Variants in RABGAP1L observed in about 807,000 individuals in gnomAD.
RABGAP1L encodes rab GTPase-activating protein 1-like.
RABGAP1L carries 63 observed loss-of-function variants against 137.7 expected under a neutral mutation model. That is an observed-to-expected ratio of 0.46 (90% CI 0.37 to 0.56). RABGAP1L has a LOEUF of 0.56. RABGAP1L is among the 20% of genes least tolerant of loss of function. The pLI, the probability that RABGAP1L is intolerant of heterozygous loss-of-function variation, is 0.00. For missense variants in RABGAP1L, 1,095 were observed against 1,244.0 expected (o/e 0.88, Z 1.80); for synonymous variants, 431 against 433.7 (o/e 0.99, Z 0.08).
intron 13 of RABGAP1L, among the ~76,000 whole-genome samples, chr1:174,535,736 T>C (rs1664838631): frequency 1.3e-5 from 2 of 152,090 alleles, no homozygotes; most frequent in African/African-American, 2.4e-5. Context: ...CAAAGGAAAA[T>C]ATATTAATTG....
intron 13 of RABGAP1L, among the ~76,000 whole-genome samples, chr1:174,575,048 A>G (rs1354934752): frequency 6.6e-6 from 1 of 152,162 alleles, no homozygotes; most frequent in Non-Finnish European, 1.5e-5. Context: ...CTCCTGCCTC[A>G]GCCTTCCGAG....
chr1:174,541,056 A>G (rs961735023), intron 13 of RABGAP1L, among the ~76,000 whole-genome samples: 27 of 152,242 alleles, frequency 1.8e-4, no homozygotes, highest in Non-Finnish European at 3.4e-4. Flanking sequence ...CTTTGTAGCA[A>G]TTGTGTATGG....
chr1:174,913,790 G>T (rs995963348), intron 19 of RABGAP1L, among the ~76,000 whole-genome samples: 1 of 152,172 alleles, frequency 6.6e-6, no homozygotes, highest in African/African-American at 2.4e-5. Context: ...TTTTTACTTA[G>T]TGCTGTGTTA....
At chr1:174,647,171 C>T (rs1221860748) in intron 14 of RABGAP1L, among the ~76,000 whole-genome samples, 1 of 152,100 alleles carries the variant, frequency 6.6e-6, no homozygotes. Flanking sequence ...AATTTGACTT[C>T]CTCTTTTCCT....
chr1:174,735,084 T>C (rs543333084), intron 17 of RABGAP1L, among the ~76,000 whole-genome samples: 71 of 150,338 alleles, frequency 4.7e-4, no homozygotes, highest in Non-Finnish European at 4.7e-4. Flanking sequence ...TGCCTCAGCC[T>C]CTCAAGTAGC....
chr1:174,470,647 G>A (rs1200952248), intron 13 of RABGAP1L, among the ~76,000 whole-genome samples: 4 of 152,056 alleles, frequency 2.6e-5, no homozygotes, highest in Admixed American at 2.6e-4. Flanking sequence ...GATGCCTGTA[G>A]TCCCAGCTAC....
chr1:174,179,052 T>C (rs754481752), intron 1 of RABGAP1L, among the ~76,000 whole-genome samples: 10 of 152,138 alleles, frequency 6.6e-5, no homozygotes, highest in African/African-American at 9.7e-5. Context: ...TTAAGTAGTG[T>C]GAGGCTGTTA....
In RABGAP1L at chr1:174,347,488, TG is replaced by T. The variant is rs1191373496; in HGVS notation, c.1466-23490del. 8.8e-4 allele frequency among the ~76,000 whole-genome samples: 134 copies of T among 151,642 alleles called. 1 individual carries two copies. The highest frequency in any genetic ancestry group is 4.1e-4 in the Non-Finnish European group (28 of 67,862). On this transcript the variant is annotated intron_variant, in intron 11 of 25. Coordinates refer to ENST00000681986, the MANE Select transcript of RABGAP1L (RefSeq NM_001366446.1). ...ACCCCTCTTTGTGTGTGTGTGTGTG[TG>T]TGTGTGTGTGTTTTTTTCTTTGAGA...
intron 19 of RABGAP1L, among the ~76,000 whole-genome samples, chr1:174,921,255 C>T (rs929277473): frequency 8.5e-5 from 13 of 152,148 alleles, no homozygotes; most frequent in African/African-American, 2.9e-4. Context: ...GCAGCCCTAG[C>T]GAACTAATAA....
intron 19 of RABGAP1L, among the ~76,000 whole-genome samples, chr1:174,842,556 G>A (rs1693530156): frequency 1.3e-5 from 2 of 152,110 alleles, no homozygotes; most frequent in African/African-American, 4.8e-5. Context: ...TTAAATTTAA[G>A]TAAGGTAGCA....
chr1:174,908,994 A>C (rs1364586072), intron 19 of RABGAP1L, among the ~76,000 whole-genome samples: 5 of 112,020 alleles, frequency 4.5e-5, no homozygotes, highest in African/African-American at 6.9e-5. Flanking sequence ...TAACATGGTG[A>C]AACCCCATCT....
chr1:174,568,422 G>T (rs188184391), intron 13 of RABGAP1L, among the ~76,000 whole-genome samples: 2 of 152,286 alleles, frequency 1.3e-5, no homozygotes, highest in Admixed American at 1.3e-4. Flanking sequence ...GGATTAAAAT[G>T]AGTAAGACAC....
chr1:174,742,438 G>A (rs1202485544), intron 17 of RABGAP1L, among the ~76,000 whole-genome samples: 2 of 152,076 alleles, frequency 1.3e-5, no homozygotes, highest in African/African-American at 2.4e-5. Context: ...ATTTGCTTAA[G>A]CCCAGGAGGC....
rs576608951 is a variant in RABGAP1L, at chr1:174,641,672, T to G, written c.1824+4184T>G. ...ATCTGCTATAAGTTGGGAGACAGGT[T>G]GGTATAGTTTAAAGCACTGGGCATC... On this transcript the variant is annotated intron_variant, in intron 14 of 25. Coordinates refer to ENST00000681986, the MANE Select transcript of RABGAP1L (RefSeq NM_001366446.1). Among the ~76,000 whole-genome samples the G allele has an allele frequency of 5.3e-5, 8 of 152,216 alleles. No individual in the cohort carries two copies. The East Asian group carries it at 1.5e-3, about 29-fold the overall frequency.
intron 11 of RABGAP1L, among the ~76,000 whole-genome samples, chr1:174,337,117 A>G (rs891625008): frequency 1.3e-5 from 2 of 152,106 alleles, no homozygotes; most frequent in African/African-American, 4.8e-5. Context: ...TCACACATTT[A>G]CTAGATCACA....
At position 174,401,187 on chromosome 1, in the gene RABGAP1L, T is replaced by A. The variant is rs141580919; in HGVS notation, c.1710+7042T>A. On this transcript the variant is annotated intron_variant, in intron 13 of 25. Transcript: ENST00000681986. Reference sequence around the variant, plus strand: ...CTTGGTAACAGTGGTAGCTTCGCTTTAGGAGGAGATTTTAGTGCTCACTAT... The same window carrying A: ...CTTGGTAACAGTGGTAGCTTCGCTTAAGGAGGAGATTTTAGTGCTCACTAT... Among the ~76,000 whole-genome samples, 296 of 152,236 alleles carry A rather than the reference T, an allele frequency of 1.9e-3. 1 individual carries two copies. The highest frequency in any genetic ancestry group is 6.8e-3 in the African/African-American group (281 of 41,536).
intron 13 of RABGAP1L, among the ~76,000 whole-genome samples, chr1:174,622,918 C>T (rs900031804): frequency 4.6e-5 from 7 of 152,186 alleles, no homozygotes; most frequent in Non-Finnish European, 5.9e-5. Flanking sequence ...AATGAATTAG[C>T]GACTGGAATG....
rs55771463 is a variant in RABGAP1L at position 174,638,892 on chromosome 1, T to C, written c.1824+1404T>C. 4.5e-4 allele frequency among the ~76,000 whole-genome samples: 45 copies of C among 99,918 alleles called. 1 individual carries two copies. Among genetic ancestry groups the C allele is most frequent in the Non-Finnish European group, 2.8e-4 (14 of 50,460 alleles). 65.6% of individuals were successfully genotyped at this position (99,918 alleles called of 152,430 possible). A position where few individuals can be genotyped will look rare whatever the true frequency, so the allele number is the denominator to read the frequency against. The stretch of plus-strand genomic sequence containing the variant: ...CACACTCTGGGGACTGTGGTGGGGT[T>C]GGGGGAGGGGGGAGGGATAGCATTG... On this transcript the variant is annotated intron_variant, in intron 14 of 25. Transcript: ENST00000681986.
intron 13 of RABGAP1L, among the ~76,000 whole-genome samples, chr1:174,538,068 T>G (rs184657100): frequency 6.6e-6 from 1 of 152,338 alleles, no homozygotes; most frequent in East Asian, 1.9e-4. Context: ...CAATCTGCCC[T>G]GAACCTCCCT....
Sources: allele counts gnomAD v4.1 joint callset (sites outside exome capture counted in the v4.1 genomes callset), GRCh38; gene constraint gnomAD v4.1.1; transcripts MANE v1.5; gene names NCBI Gene and HGNC (gene_info 2026-07-23, HGNC 2026-07-21).